EIF4G1: variants seen among roughly 807,000 people sequenced by gnomAD.
The protein encoded by EIF4G1 is EIF4-gamma.
In EIF4G1, 4 loss-of-function variants were observed where a neutral mutation model predicts 187.8. That is an observed-to-expected ratio of 0.02 (90% CI 0.01 to 0.05). EIF4G1 has a LOEUF of 0.05. Ranked by LOEUF, EIF4G1 falls within the 10% of genes least tolerant of loss-of-function variation. EIF4G1 has a pLI of 1.00. For synonymous variants in EIF4G1, 844 were observed against 781.4 expected, an observed-to-expected ratio of 1.08 and a Z score of -1.34; for missense variants, 1,647 against 2,081.1, an observed-to-expected ratio of 0.79 and a Z score of 4.06.
Position 184,318,341 on chromosome 3 carries a change from A to G in EIF4G1, c.424+525A>G, listed in dbSNP as rs547687442. Among the ~76,000 whole-genome samples, 24 of 152,358 alleles carry G rather than the reference A, an allele frequency of 1.6e-4. No homozygotes were observed. The South Asian group carries it at 5.0e-3, about 32-fold the overall frequency. ...ACAAGTGGAATTTAGGGATGAAATTAAAGAATGTGCCCGGATCTTGCTTGT... is the reference window on the plus strand; with the variant it reads ...ACAAGTGGAATTTAGGGATGAAATTGAAGAATGTGCCCGGATCTTGCTTGT... On this transcript the variant is annotated intron_variant, in intron 6 of 32. Coordinates refer to ENST00000346169, the MANE Select transcript of EIF4G1 (RefSeq NM_198241.3).
intron 3 of EIF4G1, 136 bp downstream of exon 3, chr3:184,315,992 G>T: frequency 6.6e-7 from 1 of 1,523,850 alleles, no homozygotes; most frequent in East Asian, 2.5e-5. Flanking sequence ...CCCCTGGGCT[G>T]TCCCCGGGGG....
chr3:184,325,189 G>A lies in EIF4G1; in HGVS notation c.2856+75G>A. 6 of 1,603,312 alleles carry A rather than the reference G, an allele frequency of 3.7e-6. No homozygotes were observed. Among genetic ancestry groups the A allele is most frequent in the Non-Finnish European group, 5.1e-6 (6 of 1,170,292 alleles). The stretch of plus-strand genomic sequence containing the variant: ...TCACTGAGCCCACAATGATGGGGCG[G>A]AAGGCCTGAGGAGGGGTGGGGCCTG... On this transcript the variant is annotated intron_variant, in intron 18 of 32. Transcript: ENST00000346169. This position sits in a 1 kb window ranked among gnomAD's most constrained non-coding sequence, Gnocchi z 5.2.
rs1248794092 is a variant in EIF4G1 at position 184,315,228 on chromosome 3, G to T, written c.-91-261G>T. 3 of 385,816 alleles carry T rather than the reference G, an allele frequency of 7.8e-6. No homozygotes were observed. The East Asian group carries it at 2.2e-4, about 28-fold the overall frequency. The allele number at this position is 385,816 out of a possible 1,614,324, so 23.9% of individuals were successfully genotyped here. On this transcript the variant is annotated intron_variant, in intron 1 of 32. Coordinates refer to ENST00000346169, the MANE Select transcript of EIF4G1 (RefSeq NM_198241.3). ...CCTGGCCTTTTAGGGCCTGACTCCC[G>T]CCCTTCCTGGCCTACACTCCTGGGC...
Position 184,325,599 on chromosome 3 carries a change from C to G in EIF4G1, c.3081C>G (p.Gly1027=), listed in dbSNP as rs1724730490. The change falls in exon 20 of 33, where the codon GGC becomes GGG. Residue 1027 remains glycine, a synonymous_variant. Transcript: ENST00000346169. The surrounding 1 kb of genome is among the most constrained non-coding windows in gnomAD (Gnocchi z 5.2). The stretch of plus-strand genomic sequence containing the variant: ...AAGTGCAGCAGCTCATGGCCAAGGG[C>G]AGTGACAAGCGTCGGGGCGGTCCTC... ...HIKVQQLMAK[G]SDKRRGGPPG... The G allele has an allele frequency of 6.2e-7, 1 of 1,614,206 alleles. No individual in the cohort carries two copies. Among genetic ancestry groups the G allele is most frequent in the Non-Finnish European group, 8.5e-7 (1 of 1,180,036 alleles).
chr3:184,321,838 C>A lies in EIF4G1; in HGVS notation c.1254C>A (p.Val418=). The change falls in exon 10 of 33, where the codon GTC becomes GTA. Residue 418 remains valine, a synonymous_variant. Transcript: ENST00000346169. ...PSPPAVDLSP[V]SEPEEQAKEV... is the part of the protein sequence containing the mutation. The stretch of plus-strand genomic sequence containing the variant: ...CACCAGCTGTGGACTTAAGCCCAGT[C>A]AGTGAGCCAGAGGAGCAGGCCAAGG... 1 of 1,614,180 alleles carries A rather than the reference C, an allele frequency of 6.2e-7. No individual in the cohort carries two copies. The highest frequency in any genetic ancestry group is 1.1e-5 in the South Asian group (1 of 91,080).
At position 184,331,594 on chromosome 3, in the gene EIF4G1, C is replaced by T. The variant is rs111921843; in HGVS notation, c.4383C>T (p.Phe1461=). Residue 1461 remains phenylalanine, a synonymous_variant, in exon 30 of 33, where the codon TTC becomes TTT. Transcript: ENST00000346169. ...AGGGCAGCAGTAACCAGCGGGTGTT[C>T]GACTGGATAGAGGTAGGTTTCTCCT... is the stretch of plus-strand genomic sequence containing the variant. ...LKEGSSNQRV[F]DWIEANLSEQ... is the part of the protein sequence containing the mutation. The T allele has an allele frequency of 0.011, 17,982 of 1,594,696 alleles. 127 individuals carry two copies. The highest frequency in any genetic ancestry group is 0.013 in the Non-Finnish European group (15,134 of 1,176,660).
chr3:184,323,537 C>T lies in EIF4G1; in HGVS notation c.2218C>T (p.Arg740Trp), dbSNP rs1002506834. The change falls in exon 15 of 33, where the codon CGG (arginine) becomes TGG (tryptophan). Residue 740 changes from arginine to tryptophan, a missense_variant. Transcript: ENST00000346169. This position sits in a 1 kb window ranked among gnomAD's most constrained non-coding sequence, Gnocchi z 6.9. ...GAAAGCCTGGAAACCCAGCAGCAAG[C>T]GGACGGCGGCTGATAAGGATCGAGG... is the stretch of plus-strand genomic sequence containing the variant. ...AEKAWKPSSK[R>W]TAADKDRGEE... is the part of the protein sequence containing the mutation. 3 of 1,614,140 alleles carry T rather than the reference C, an allele frequency of 1.9e-6. No individual in the cohort carries two copies. Among genetic ancestry groups the T allele is most frequent in the East Asian group, 2.2e-5 (1 of 44,868 alleles).
At chr3:184,317,971 C>A (rs1044577067) in intron 6 of EIF4G1, among the ~76,000 whole-genome samples, 155 bp downstream of exon 6, 1 of 152,160 alleles carries the variant, frequency 6.6e-6, no homozygotes, top group East Asian at 1.9e-4. Flanking sequence ...TAATATTTAA[C>A]TGGTGTTGAT....
Position 184,322,041 on chromosome 3 carries a change from C to T in EIF4G1, c.1457C>T (p.Pro486Leu), listed in dbSNP as rs754719526. 12 of 1,613,992 alleles carry T rather than the reference C, an allele frequency of 7.4e-6. 1 individual carries two copies. The highest frequency in any genetic ancestry group is 6.6e-5 in the South Asian group (6 of 91,090). ...SEKGGEELLP[P>L]ESTPIPANLS... Reference sequence around the variant, plus strand: ...AAAGGAGGAGAGGAACTGCTCCCCCCAGAGAGTACCCCTATTCCAGCCAAC... The same window carrying T: ...AAAGGAGGAGAGGAACTGCTCCCCCTAGAGAGTACCCCTATTCCAGCCAAC... The change falls in exon 10 of 33, where the codon CCA becomes CTA. Residue 486 changes from proline to leucine, a missense_variant. By Grantham distance (98) the Pro-to-Leu change is moderately conservative. This residue lies in a region of EIF4G1 where 522 missense variants were observed against 485.2 expected (regional missense o/e 1.08). Transcript: ENST00000346169.
In EIF4G1 at chr3:184,321,781, A is replaced by G. The variant is rs1050096342; in HGVS notation, c.1197A>G (p.Gln399=). ...CTGTGCCCATTGCTCCAACTGCCCAACCTGAGGAACTGCTCAACGGAGCCC... is the reference window on the plus strand; with the variant it reads ...CTGTGCCCATTGCTCCAACTGCCCAGCCTGAGGAACTGCTCAACGGAGCCC... The part of the protein sequence containing the change: ...ESPVPIAPTA[Q]PEELLNGAPS... Residue 399 remains glutamine, a synonymous_variant, in exon 10 of 33, where the codon CAA becomes CAG. Transcript: ENST00000346169. The G allele has an allele frequency of 4.3e-6, 7 of 1,610,918 alleles. No individual in the cohort carries two copies. In the Admixed American group the frequency reaches 1.0e-4, roughly 23 times the overall value.
rs545953271 is a variant in EIF4G1, at chr3:184,327,138, A to T, written c.3429-78A>T. 33 of 1,586,442 alleles carry T rather than the reference A, an allele frequency of 2.1e-5. 1 individual carries two copies. In the Admixed American group the frequency reaches 5.2e-4, roughly 25 times the overall value. On this transcript the variant is annotated intron_variant, in intron 23 of 32. Transcript: ENST00000346169. ...CATTATGCTAAGAACAAGGCCCAAC[A>T]GTTGCTCAGCATGTTGTGTAATTAC... is the stretch of plus-strand genomic sequence containing the variant.
chr3:184,331,881 C>T, intron 31 of EIF4G1, 65 bp from the exon 32 acceptor site: 1 of 1,613,956 alleles, frequency 6.2e-7, no homozygotes, highest in Non-Finnish European at 8.5e-7. Context: ...GGGTGTCAGC[C>T]TTGGCCTCCC....
At chr3:184,326,824 G>C in intron 22 of EIF4G1, 57 bp from the exon 23 acceptor site, 1 of 1,603,244 alleles carries the variant, frequency 6.2e-7, no homozygotes, top group Non-Finnish European at 8.5e-7. Context: ...TGGCAAGTAG[G>C]GGATAAAATG....
intron 2 of EIF4G1, 44 bp from the exon 3 acceptor site, chr3:184,315,719 G>C: frequency 6.7e-7 from 1 of 1,482,284 alleles, no homozygotes. Flanking sequence ...TTTGCCTTAA[G>C]CTTGGGTCCC....
chr3:184,328,389 C>CA (rs556618825), intron 26 of EIF4G1: 11,726 of 486,548 alleles, frequency 0.024, 1 homozygote, highest in East Asian at 0.029. Context: ...AAAACTGTCT[C>CA]AAAAAAAAAA....
At position 184,323,786 on chromosome 3, in the gene EIF4G1, T is replaced by C; in HGVS notation, c.2281T>C (p.Phe761Leu). 1 of 1,613,846 alleles carries C rather than the reference T, an allele frequency of 6.2e-7. No individual in the cohort carries two copies. The highest frequency in any genetic ancestry group is 8.5e-7 in the Non-Finnish European group (1 of 1,180,028). The change falls in exon 16 of 33, where the codon TTC becomes CTC. Residue 761 changes from phenylalanine (F) to leucine (L), a missense_variant. Coordinates refer to ENST00000346169, the MANE Select transcript of EIF4G1 (RefSeq NM_198241.3). The surrounding 1 kb of genome is among the most constrained non-coding windows in gnomAD (Gnocchi z 6.9). ...TTGTCTCTTCTCCCTCCAGGACCTA[T>C]TCCGCAGGGTGCGCTCCATCCTGAA... ...DADGSKTQDL[F>L]RRVRSILNKL...
At position 184,323,751 on chromosome 3, in the gene EIF4G1, A is replaced by C. The variant is rs756443206; in HGVS notation, c.2275-29A>C. The C allele has an allele frequency of 8.7e-6, 14 of 1,612,686 alleles. No homozygotes were observed. In the South Asian group the frequency reaches 1.5e-4, roughly 18 times the overall value. ...CCCAACAGCCTGTTCTGAGACCCTCACTGGAACTCTTGTCTCTTCTCCCTC... is the reference window on the plus strand; with the variant it reads ...CCCAACAGCCTGTTCTGAGACCCTCCCTGGAACTCTTGTCTCTTCTCCCTC... On this transcript the variant is annotated intron_variant, in intron 15 of 32. Transcript: ENST00000346169. This position sits in a 1 kb window ranked among gnomAD's most constrained non-coding sequence, Gnocchi z 6.9.
At chr3:184,326,809 T>A in intron 22 of EIF4G1, 72 bp from the exon 23 acceptor site, 1 of 1,590,712 alleles carries the variant, frequency 6.3e-7, no homozygotes, top group Non-Finnish European at 8.6e-7. Context: ...CCAAGTGTCC[T>A]AAACTGGCAA....
intron 6 of EIF4G1, among the ~76,000 whole-genome samples, chr3:184,319,436 TG>T (rs1311085975): frequency 2.3e-5 from 1 of 44,094 alleles, no homozygotes; most frequent in Non-Finnish European, 4.0e-5. Context: ...GGTGTGTGTG[TG>T]TGTGTGTGTG....
Sources: allele counts gnomAD v4.1 joint callset (sites outside exome capture counted in the v4.1 genomes callset), GRCh38; gene constraint gnomAD v4.1.1; regional missense constraint gnomAD v4.1.1; non-coding constraint Gnocchi (gnomAD v3.1); transcripts MANE v1.5; gene names NCBI Gene and HGNC (gene_info 2026-07-23, HGNC 2026-07-21).